Variants in KCNAB1 observed in about 807,000 individuals in gnomAD.
KCNAB1 encodes the protein voltage-gated potassium channel subunit beta-1.
Under a neutral mutation model 64.6 loss-of-function variants are expected in KCNAB1, and 35 were observed. The observed-to-expected ratio is 0.54, with a 90% CI of 0.41 to 0.72. KCNAB1 has a LOEUF of 0.72. Among genes scored for constraint, KCNAB1 ranks in the 30% least tolerant of loss-of-function variants. KCNAB1 has a pLI of 0.00. For missense variants in KCNAB1, 401 were observed against 512.9 expected, an observed-to-expected ratio of 0.78 and a Z score of 2.11; for synonymous variants, 177 against 183.8, an observed-to-expected ratio of 0.96 and a Z score of 0.30.
rs1183771389 is a variant in KCNAB1, at chr3:156,445,657, C to A, written c.320-7242C>A. ...TGAACAAGCAATTATTACTCACTTA[C>A]CCTGTGCCAGGCTCCAGTGCAATGG... On this transcript the variant is annotated intron_variant, in intron 2 of 13. Transcript: ENST00000490337. Among the ~76,000 whole-genome samples, 3 of 152,170 alleles carry A rather than the reference C, an allele frequency of 2.0e-5. 1 individual carries two copies. The South Asian group carries it at 6.2e-4, about 32-fold the overall frequency.
intron 1 of KCNAB1, among the ~76,000 whole-genome samples, chr3:156,298,738 T>C (rs1437225041): frequency 6.6e-6 from 1 of 152,208 alleles, no homozygotes; most frequent in Non-Finnish European, 1.5e-5. Flanking sequence ...AAGAATTCAG[T>C]AGCATCAATT....
intron 6 of KCNAB1, 76 bp from the exon 7 acceptor site, chr3:156,465,567 C>A (rs1576902288): frequency 7.4e-7 from 1 of 1,349,760 alleles, no homozygotes; most frequent in Non-Finnish European, 1.1e-6. Context: ...GCAAAATTAG[C>A]AATTCAGACC....
At chr3:156,130,559 A>G (rs75624139) in intron 1 of KCNAB1, among the ~76,000 whole-genome samples, 1,914 of 152,334 alleles carry the variant, frequency 0.013, 42 homozygotes, top group African/African-American at 0.043. Context: ...ATCCTGCCCA[A>G]TGTTAGCCAG....
chr3:156,192,921 G>T (rs1713650099), intron 1 of KCNAB1, among the ~76,000 whole-genome samples: 2 of 151,940 alleles, frequency 1.3e-5, no homozygotes, highest in Middle Eastern at 6.8e-3. Context: ...TTGAGTCTTG[G>T]TTTTTTATCC....
At chr3:156,274,244 A>G (rs1706532497) in intron 1 of KCNAB1, among the ~76,000 whole-genome samples, 1 of 152,216 alleles carries the variant, frequency 6.6e-6, no homozygotes, top group African/African-American at 2.4e-5. Context: ...CATGGGAAAT[A>G]AACACCAAAA....
chr3:156,328,925 A>G (rs527603827), intron 1 of KCNAB1, among the ~76,000 whole-genome samples: 3 of 152,264 alleles, frequency 2.0e-5, no homozygotes, highest in African/African-American at 7.2e-5. Flanking sequence ...TCTATAGTCT[A>G]TCAACTTATT....
intron 1 of KCNAB1, among the ~76,000 whole-genome samples, chr3:156,293,557 A>G (rs1454305144): frequency 1.3e-5 from 2 of 152,226 alleles, no homozygotes; most frequent in African/African-American, 4.8e-5. Flanking sequence ...TTATTTTGAT[A>G]TATGTTTGAG....
intron 5 of KCNAB1, among the ~76,000 whole-genome samples, chr3:156,461,718 A>G (rs1467142279): frequency 6.6e-6 from 1 of 152,184 alleles, no homozygotes; most frequent in Non-Finnish European, 1.5e-5. Context: ...AGAGAACATT[A>G]AATTATCACT....
chr3:156,137,610 G>A (rs867041906), intron 1 of KCNAB1, among the ~76,000 whole-genome samples: 36 of 150,338 alleles, frequency 2.4e-4, no homozygotes, highest in African/African-American at 8.1e-4. Flanking sequence ...GTGCACTTGC[G>A]CGATCTCACC....
chr3:156,129,496 G>A (rs569558279), intron 1 of KCNAB1, among the ~76,000 whole-genome samples: 7 of 152,246 alleles, frequency 4.6e-5, no homozygotes, highest in African/African-American at 1.7e-4. Context: ...TATATAAACT[G>A]GGGACACATT....
intron 1 of KCNAB1, among the ~76,000 whole-genome samples, chr3:156,231,263 G>C (rs116449737): frequency 0.017 from 2,606 of 152,190 alleles, 49 homozygotes; most frequent in South Asian, 0.03. Context: ...AAGGGGTCTG[G>C]GGAGTCATGT....
intron 1 of KCNAB1, among the ~76,000 whole-genome samples, chr3:156,236,103 A>G (rs987081789): frequency 1.2e-4 from 19 of 152,200 alleles, no homozygotes; most frequent in Admixed American, 1.0e-3. Flanking sequence ...CAATAACAAT[A>G]ATCACAATAA....
At chr3:156,408,204 C>A (rs1714386212) in intron 1 of KCNAB1, among the ~76,000 whole-genome samples, 1 of 152,244 alleles carries the variant, frequency 6.6e-6, no homozygotes, top group Non-Finnish European at 1.5e-5. Flanking sequence ...GACCCTATCC[C>A]ACGTCTCAGG....
Position 156,216,456 on chromosome 3 carries a change from C to T in KCNAB1, c.275+95570C>T, listed in dbSNP as rs183771624. ...TCATTCTTCAAATGTTTTCTGAGTG[C>T]CTAAATGTTTTGTGAACAGTTCTAG... On this transcript the variant is annotated intron_variant, in intron 1 of 13. Transcript: ENST00000490337. Among the ~76,000 whole-genome samples, 778 of 152,278 alleles carry T rather than the reference C, an allele frequency of 5.1e-3. 4 individuals are homozygous for T. The highest frequency in any genetic ancestry group is 7.1e-3 in the Non-Finnish European group (485 of 68,020).
intron 1 of KCNAB1, among the ~76,000 whole-genome samples, chr3:156,280,474 C>G (rs1490060276): frequency 1.3e-5 from 2 of 149,192 alleles, no homozygotes; most frequent in Non-Finnish European, 3.0e-5. Flanking sequence ...TCCATATGAA[C>G]TTTAAAGTAG....
At chr3:156,249,189 A>G (rs1391940651) in intron 1 of KCNAB1, among the ~76,000 whole-genome samples, 5 of 152,108 alleles carry the variant, frequency 3.3e-5, no homozygotes, top group Non-Finnish European at 5.9e-5. Context: ...ATTTGGATGG[A>G]TTAGTTAGTG....
At chr3:156,459,236 A>G (rs920504521) in intron 4 of KCNAB1, among the ~76,000 whole-genome samples, 3 of 152,256 alleles carry the variant, frequency 2.0e-5, no homozygotes, top group African/African-American at 7.2e-5. Context: ...TGCCTTCAGT[A>G]TGCCTCTGCA....
intron 1 of KCNAB1, among the ~76,000 whole-genome samples, chr3:156,194,938 C>A (rs991584442): frequency 1.3e-5 from 2 of 151,972 alleles, no homozygotes; most frequent in Non-Finnish European, 2.9e-5. Context: ...CCTCTCCTTT[C>A]CCCCCACCCC....
chr3:156,133,406 G>C (rs1390807891), intron 1 of KCNAB1, among the ~76,000 whole-genome samples: 3 of 152,138 alleles, frequency 2.0e-5, no homozygotes, highest in Non-Finnish European at 2.9e-5. Context: ...TTTCAATGAG[G>C]TTAACATTCA....
Sources: gnomAD v4.1 joint callset for allele counts (sites outside exome capture counted in the v4.1 genomes callset) on GRCh38, gnomAD v4.1.1 for gene constraint, MANE v1.5 for transcripts, NCBI Gene and HGNC (gene_info 2026-07-23, HGNC 2026-07-21) for gene names.